GRID2: variants seen among roughly 807,000 people sequenced by gnomAD.
GRID2 encodes glutamate receptor ionotropic, delta-2.
Under a neutral mutation model 114.8 loss-of-function variants are expected in GRID2, and 33 were observed. That is an observed-to-expected ratio of 0.29 (90% CI 0.22 to 0.38). The LOEUF (loss-of-function observed/expected upper bound fraction) is 0.38. GRID2 is among the 10% of genes least tolerant of loss of function. The pLI is 1.00. For missense variants in GRID2, 1,184 were observed against 1,257.7 expected, an observed-to-expected ratio of 0.94 and a Z score of 0.89; for synonymous variants, 505 against 449.9, an observed-to-expected ratio of 1.12 and a Z score of -1.55.
At chr4:93,791,524 A>C (rs1282128306) in intron 1 of GRID2, among the ~76,000 whole-genome samples, 2 of 152,232 alleles carry the variant, frequency 1.3e-5, no homozygotes, top group African/African-American at 2.4e-5. Flanking sequence ...TGTCCAAAAA[A>C]AAAGGAAAGA....
At chr4:93,629,059 G>A (rs574937157) in intron 14 of GRID2, among the ~76,000 whole-genome samples, 5 of 152,148 alleles carry the variant, frequency 3.3e-5, no homozygotes, top group South Asian at 2.1e-4. Context: ...GAGCCACCGC[G>A]CCCAGCGATT....
intron 4 of GRID2, among the ~76,000 whole-genome samples, chr4:93,178,108 C>T (rs1271052004): frequency 1.3e-5 from 2 of 150,428 alleles, no homozygotes; most frequent in Non-Finnish European, 3.0e-5. Context: ...GAGCAAGTAA[C>T]CATTCCTTAA....
At chr4:93,005,972 C>G (rs570422835) in intron 2 of GRID2, among the ~76,000 whole-genome samples, 92 of 152,146 alleles carry the variant, frequency 6.0e-4, no homozygotes, top group African/African-American at 2.1e-3. Flanking sequence ...CATATTCTAA[C>G]TTAGTTTATT....
intron 2 of GRID2, among the ~76,000 whole-genome samples, chr4:92,689,660 AC>A (rs2149291688): frequency 6.6e-6 from 1 of 152,224 alleles, no homozygotes; most frequent in East Asian, 1.9e-4. Flanking sequence ...TCATTTCGAA[AC>A]CACCCCCACC....
intron 14 of GRID2, among the ~76,000 whole-genome samples, chr4:93,661,691 TTGAA>T (rs1723507667): frequency 6.6e-6 from 1 of 152,186 alleles, no homozygotes; most frequent in Non-Finnish European, 1.5e-5. Context: ...GGAACAATGA[TTGAA>T]TATCAGTGAA....
chr4:93,425,787 T>C (rs1768783667), intron 10 of GRID2, among the ~76,000 whole-genome samples: 1 of 152,178 alleles, frequency 6.6e-6, no homozygotes, highest in African/African-American at 2.4e-5. Flanking sequence ...TTGAGCTCTG[T>C]CGACCCCATC....
At chr4:93,169,448 T>C (rs1231241395) in intron 4 of GRID2, among the ~76,000 whole-genome samples, 1 of 152,146 alleles carries the variant, frequency 6.6e-6, no homozygotes, top group African/African-American at 2.4e-5. Context: ...ACTTTGTTGT[T>C]TATATAACAA....
At chr4:92,525,863 G>A (rs1027235000) in intron 1 of GRID2, among the ~76,000 whole-genome samples, 1 of 152,116 alleles carries the variant, frequency 6.6e-6, no homozygotes, top group Admixed American at 6.6e-5. Flanking sequence ...AGGAATTGTA[G>A]AGCAGTATTC....
At chr4:92,770,779 C>T (rs917549223) in intron 2 of GRID2, among the ~76,000 whole-genome samples, 17 of 152,116 alleles carry the variant, frequency 1.1e-4, no homozygotes, top group East Asian at 1.9e-4. Flanking sequence ...CACCTCCAAC[C>T]GGGTTCCTCC....
chr4:93,199,951 G>T (rs1455573178), intron 4 of GRID2, among the ~76,000 whole-genome samples: 3 of 152,136 alleles, frequency 2.0e-5, no homozygotes, highest in Non-Finnish European at 4.4e-5. Flanking sequence ...CCTTGAGAAG[G>T]TTGGAGTTTC....
intron 7 of GRID2, among the ~76,000 whole-genome samples, chr4:93,233,494 C>A (rs1746395290): frequency 1.3e-5 from 2 of 151,792 alleles, no homozygotes; most frequent in African/African-American, 4.8e-5. Flanking sequence ...AGGCGCGCAC[C>A]ACCACACCTG....
At chr4:92,808,546 C>G (rs1345013299) in intron 2 of GRID2, among the ~76,000 whole-genome samples, 1 of 151,940 alleles carries the variant, frequency 6.6e-6, no homozygotes, top group Non-Finnish European at 1.5e-5. Flanking sequence ...AGGTAACTTC[C>G]ATTTCGGAAG....
At chr4:93,703,246 A>G (rs1727666385) in intron 14 of GRID2, among the ~76,000 whole-genome samples, 1 of 152,072 alleles carries the variant, frequency 6.6e-6, no homozygotes, top group African/African-American at 2.4e-5. Flanking sequence ...ATTGAATAGG[A>G]GAGATCCATT....
chr4:92,311,554 G>A (rs775662070), intron 1 of GRID2, among the ~76,000 whole-genome samples: 11 of 151,884 alleles, frequency 7.2e-5, no homozygotes, highest in Non-Finnish European at 1.2e-4. Context: ...TATTACAATA[G>A]CAATTTGCAT....
At chr4:93,108,316 T>C (rs1166410599) in intron 3 of GRID2, among the ~76,000 whole-genome samples, 4 of 152,340 alleles carry the variant, frequency 2.6e-5, no homozygotes, top group Middle Eastern at 3.4e-3. Flanking sequence ...TGGGTATTCA[T>C]TGATGTGCTC....
At chr4:92,442,310 G>C (rs964458167) in intron 1 of GRID2, among the ~76,000 whole-genome samples, 4 of 151,922 alleles carry the variant, frequency 2.6e-5, no homozygotes, top group African/African-American at 7.2e-5. Context: ...GTGGCTCCCA[G>C]GTGAGTTGAA....
chr4:92,809,646 A>C (rs2149377922), intron 2 of GRID2, among the ~76,000 whole-genome samples: 1 of 152,068 alleles, frequency 6.6e-6, no homozygotes, highest in East Asian at 1.9e-4. Context: ...TAGCATGAAT[A>C]ATCTCCTTCT....
chr4:92,372,845 TAA>T (rs1300417923), intron 1 of GRID2, among the ~76,000 whole-genome samples: 1 of 152,200 alleles, frequency 6.6e-6, no homozygotes, highest in African/African-American at 2.4e-5. Flanking sequence ...TGATGCTGTA[TAA>T]GTTATACTCC....
At chr4:92,704,491 A>G (rs959457913) in intron 2 of GRID2, among the ~76,000 whole-genome samples, 3 of 152,322 alleles carry the variant, frequency 2.0e-5, no homozygotes, top group East Asian at 1.9e-4. Flanking sequence ...GGAACCACAT[A>G]TCTCCATTGA....
Sources: allele counts gnomAD v4.1 joint callset (sites outside exome capture counted in the v4.1 genomes callset), GRCh38; gene constraint gnomAD v4.1.1; transcripts MANE v1.5; gene names NCBI Gene and HGNC (gene_info 2026-07-23, HGNC 2026-07-21).